Variants in NRP1 observed in about 807,000 individuals in gnomAD.
The protein encoded by NRP1 is neuropilin-1.
Under a neutral mutation model 106.7 loss-of-function variants are expected in NRP1, and 35 were observed. The observed-to-expected ratio is 0.33, with a 90% CI of 0.25 to 0.43. The LOEUF is 0.43. NRP1 is among the 20% of genes least tolerant of loss of function. The pLI is 1.00. For missense variants in NRP1, 1,024 were observed against 1,170.4 expected, an observed-to-expected ratio of 0.87 and a Z score of 1.83; for synonymous variants, 437 against 417.9, an observed-to-expected ratio of 1.05 and a Z score of -0.56.
In NRP1 at chr10:33,185,625, T is replaced by C. The variant is rs528921745; in HGVS notation, c.2431+3A>G. 3.0e-5 allele frequency: 49 copies of C among 1,606,706 alleles called. 1 individual carries two copies. In the East Asian group the frequency reaches 3.6e-4, roughly 12 times the overall value. ...ATTGGTTTCTACAGCAGCTCATACT[T>C]ACTTGCACAATCTTCTTGTGAAATG... On this transcript the variant is annotated splice_donor_region_variant and intron_variant, in intron 15 of 16. Transcript: ENST00000374867.
chr10:33,332,928 C>A (rs1848388312), intron 1 of NRP1, among the ~76,000 whole-genome samples: 1 of 151,750 alleles, frequency 6.6e-6, no homozygotes, highest in Admixed American at 6.6e-5. Context: ...AGTTCACAAC[C>A]TAAAGTCTGA....
intron 7 of NRP1, among the ~76,000 whole-genome samples, chr10:33,224,510 A>T (rs1362992503): frequency 6.6e-6 from 1 of 151,120 alleles, no homozygotes; most frequent in African/African-American, 2.4e-5. Context: ...ATCACTTAAC[A>T]TTATCTTAGA....
intron 12 of NRP1, among the ~76,000 whole-genome samples, chr10:33,196,382 T>A (rs1023414288): frequency 1.1e-4 from 17 of 152,190 alleles, no homozygotes; most frequent in African/African-American, 4.1e-4. Context: ...AACCAACTGG[T>A]GGTCACTACC....
intron 10 of NRP1, among the ~76,000 whole-genome samples, chr10:33,204,889 A>G (rs1193994730): frequency 6.6e-6 from 1 of 151,716 alleles, no homozygotes; most frequent in Non-Finnish European, 1.5e-5. Flanking sequence ...CCACCAACAC[A>G]CCCAGCTAAT....
At chr10:33,202,205 T>C (rs1837373117) in intron 11 of NRP1, 1 of 156,126 alleles carries the variant, frequency 6.4e-6, no homozygotes, top group African/African-American at 2.4e-5. Flanking sequence ...TATAATCCCA[T>C]TTCTCCACTT....
chr10:33,275,471 G>A (rs1843618505), intron 2 of NRP1, among the ~76,000 whole-genome samples: 1 of 152,170 alleles, frequency 6.6e-6, no homozygotes, highest in South Asian at 2.1e-4. Flanking sequence ...GGGAGGCTGA[G>A]GCAGGAGAAT....
chr10:33,184,426 T>G (rs1448051218), intron 15 of NRP1, among the ~76,000 whole-genome samples: 1 of 152,262 alleles, frequency 6.6e-6, no homozygotes, highest in East Asian at 1.9e-4. Flanking sequence ...GAACTGAATT[T>G]AATTTCGTTT....
intron 6 of NRP1, among the ~76,000 whole-genome samples, chr10:33,229,115 T>G (rs1217138056): frequency 6.6e-6 from 1 of 152,192 alleles, no homozygotes; most frequent in Non-Finnish European, 1.5e-5. Context: ...TTTTTTTTAG[T>G]ATAAGTGTGT....
intron 6 of NRP1, among the ~76,000 whole-genome samples, chr10:33,248,616 A>G (rs1841602986): frequency 1.3e-5 from 2 of 152,236 alleles, no homozygotes; most frequent in Admixed American, 6.5e-5. Context: ...AAAGGAAAAC[A>G]TGAAAACAAG....
Position 33,177,648 on chromosome 10 carries a change from T to G in NRP1, c.*2428A>C, listed in dbSNP as rs1835458102. 6.6e-6 allele frequency: 1 copy of G among 152,640 alleles called. No individual in the cohort carries two copies. The highest frequency in any genetic ancestry group is 6.5e-5 in the Admixed American group (1 of 15,276). The allele number at this position is 152,640 out of a possible 1,614,324, so 9.5% of individuals were successfully genotyped here. On this transcript the variant is annotated 3_prime_UTR_variant, in exon 17 of 17. Coordinates refer to ENST00000374867, the MANE Select transcript of NRP1 (RefSeq NM_003873.7). ...TTAAAGTTAAGGCTTCGCTGTTCAT[T>G]TTGAAACAACAATTTACAAGTGTCA...
chr10:33,275,882 C>T (rs1191106962), intron 2 of NRP1, among the ~76,000 whole-genome samples: 1 of 151,966 alleles, frequency 6.6e-6, no homozygotes, highest in African/African-American at 2.4e-5. Flanking sequence ...TGCACTCCAG[C>T]CTGGTCAACA....
chr10:33,240,494 C>A (rs1426525962), intron 6 of NRP1, among the ~76,000 whole-genome samples: 1 of 152,180 alleles, frequency 6.6e-6, no homozygotes, highest in African/African-American at 2.4e-5. Context: ...CCCCTTTAAG[C>A]TTGGTTTCAA....
In NRP1 at chr10:33,263,843, GGTGTT is replaced by G; in HGVS notation, c.456_460del (p.Thr153Ter). ...TCCGGGGGACTTTATCACTCCACTA[GGTGTT>G]GTGTAGTTCTGGGAACATTCAGGAC... On this transcript the variant is annotated frameshift_variant, in exon 4 of 17. Coordinates refer to ENST00000374867, the MANE Select transcript of NRP1 (RefSeq NM_003873.7). LOFTEE classifies it high-confidence loss of function. 6.2e-7 allele frequency: 1 copy of G among 1,612,720 alleles called. No individual in the cohort carries two copies. Among genetic ancestry groups the G allele is most frequent in the Non-Finnish European group, 8.5e-7 (1 of 1,178,742 alleles).
chr10:33,313,462 T>C (rs1846757382), intron 2 of NRP1, among the ~76,000 whole-genome samples: 1 of 152,012 alleles, frequency 6.6e-6, no homozygotes, highest in Non-Finnish European at 1.5e-5. Flanking sequence ...TCAAAATAGC[T>C]CATGTACCCC....
At chr10:33,194,913 T>C in intron 12 of NRP1, 15 of 338,208 alleles carry the variant, frequency 4.4e-5, no homozygotes, top group South Asian at 3.7e-4. Flanking sequence ...AACAAACATA[T>C]AGGACTACTG....
intron 2 of NRP1, among the ~76,000 whole-genome samples, chr10:33,277,765 G>T (rs935660645): frequency 6.6e-6 from 1 of 152,076 alleles, no homozygotes; most frequent in Non-Finnish European, 1.5e-5. Flanking sequence ...TTATTATATT[G>T]TCCTAGTTTC....
intron 6 of NRP1, among the ~76,000 whole-genome samples, chr10:33,243,401 T>C (rs1177233760): frequency 6.6e-6 from 1 of 152,222 alleles, no homozygotes; most frequent in Non-Finnish European, 1.5e-5. Flanking sequence ...GAATTTTAAA[T>C]GCTTGAAACA....
At chr10:33,308,815 C>A (rs1436757920) in intron 2 of NRP1, among the ~76,000 whole-genome samples, 1 of 151,874 alleles carries the variant, frequency 6.6e-6, no homozygotes, top group East Asian at 1.9e-4. Context: ...ATGCATATTT[C>A]TAAATGCAAA....
At chr10:33,213,115 C>T (rs1311941074) in intron 9 of NRP1, 21 of 864,816 alleles carry the variant, frequency 2.4e-5, no homozygotes, top group Admixed American at 1.7e-4. Context: ...TGGGCTTCCC[C>T]GTCTCCTGTC....
Sources: allele counts gnomAD v4.1 joint callset (sites outside exome capture counted in the v4.1 genomes callset), GRCh38; gene constraint gnomAD v4.1.1; transcripts MANE v1.5; gene names NCBI Gene and HGNC (gene_info 2026-07-23, HGNC 2026-07-21).